Variants in NTNG1 observed in about 807,000 individuals in gnomAD.
NTNG1 encodes netrin-G1.
Under a neutral mutation model 54.0 loss-of-function variants are expected in NTNG1, and 16 were observed. The observed-to-expected ratio is 0.30, with a 90% CI of 0.20 to 0.45. The LOEUF is 0.45. NTNG1 is among the 20% of genes least tolerant of loss of function. The pLI is 1.00. For missense variants in NTNG1, 530 were observed against 678.7 expected (o/e 0.78, Z 2.43); for synonymous variants, 255 against 263.1 (o/e 0.97, Z 0.30).
intron 7 of NTNG1, among the ~76,000 whole-genome samples, chr1:107,475,634 C>G (rs1195584349): frequency 6.6e-6 from 1 of 152,202 alleles, no homozygotes; most frequent in Non-Finnish European, 1.5e-5. Context: ...TCTTCCTGAT[C>G]TAGAAATGAC....
At chr1:107,367,102 A>C (rs1670640571) in intron 3 of NTNG1, among the ~76,000 whole-genome samples, 1 of 148,764 alleles carries the variant, frequency 6.7e-6, no homozygotes, top group Admixed American at 6.8e-5. Flanking sequence ...GTGTTTCTCT[A>C]GCACACTATG....
intron 3 of NTNG1, among the ~76,000 whole-genome samples, chr1:107,385,195 T>C (rs995338037): frequency 6.6e-6 from 1 of 152,200 alleles, no homozygotes; most frequent in African/African-American, 2.4e-5. Context: ...ACGTTAACAG[T>C]GCCCTAGGAC....
At chr1:107,273,759 A>G (rs1259381682) in intron 2 of NTNG1, among the ~76,000 whole-genome samples, 1 of 152,184 alleles carries the variant, frequency 6.6e-6, no homozygotes, top group East Asian at 1.9e-4. Context: ...CTTGTCGAGT[A>G]CATATCAGTC....
chr1:107,210,970 C>T (rs1052253683), intron 2 of NTNG1, among the ~76,000 whole-genome samples: 5 of 152,156 alleles, frequency 3.3e-5, no homozygotes, highest in African/African-American at 7.2e-5. Context: ...TATTGAGATG[C>T]CTTCCTTCTC....
intron 2 of NTNG1, among the ~76,000 whole-genome samples, chr1:107,176,389 G>A (rs1656651784): frequency 6.6e-6 from 1 of 152,162 alleles, no homozygotes. Flanking sequence ...CTGAACACAA[G>A]ATGCTTTGGA....
intron 3 of NTNG1, among the ~76,000 whole-genome samples, chr1:107,380,179 C>G (rs1671556781): frequency 1.3e-5 from 2 of 152,070 alleles, no homozygotes; most frequent in South Asian, 4.1e-4. Flanking sequence ...GCACAAAACC[C>G]TAATTAATCT....
At chr1:107,471,289 G>A (rs779151384) in intron 7 of NTNG1, among the ~76,000 whole-genome samples, 2 of 152,134 alleles carry the variant, frequency 1.3e-5, no homozygotes, top group African/African-American at 4.8e-5. Flanking sequence ...CAAGTAGGTC[G>A]GATGCTGTCA....
chr1:107,246,632 T>C (rs1403375697), intron 2 of NTNG1, among the ~76,000 whole-genome samples: 1 of 152,086 alleles, frequency 6.6e-6, no homozygotes, highest in African/African-American at 2.4e-5. Flanking sequence ...TTTAAAAATG[T>C]GTTTTACCTA....
rs1256583768 is a variant in NTNG1 at position 107,350,595 on chromosome 1, G to C, written c.887+25673G>C. 3.3e-5 allele frequency among the ~76,000 whole-genome samples: 5 copies of C among 152,206 alleles called. No individual in the cohort carries two copies. In the East Asian group the frequency reaches 9.6e-4, roughly 29 times the overall value. On this transcript the variant is annotated intron_variant, in intron 3 of 7. Transcript: ENST00000370068. ...GCAAAGATGTGGAATCACCCTAAAT[G>C]TTCATTGACAGATGAATGGATAAGG...
At chr1:107,350,861 C>G (rs1377127637) in intron 3 of NTNG1, among the ~76,000 whole-genome samples, 1 of 152,100 alleles carries the variant, frequency 6.6e-6, no homozygotes, top group Non-Finnish European at 1.5e-5. Flanking sequence ...TGGGAAAATT[C>G]TTGTCAAAAA....
intron 5 of NTNG1, among the ~76,000 whole-genome samples, chr1:107,410,956 G>A (rs370265569): frequency 6.6e-6 from 1 of 152,054 alleles, no homozygotes; most frequent in East Asian, 1.9e-4. Flanking sequence ...ATGAGTCAGA[G>A]GTTAAAGTTA....
At chr1:107,170,957 C>T (rs1326794687) in intron 2 of NTNG1, among the ~76,000 whole-genome samples, 1 of 151,928 alleles carries the variant, frequency 6.6e-6, no homozygotes, top group East Asian at 1.9e-4. Context: ...CTTATAGCAT[C>T]GTACAAATAT....
At chr1:107,427,374 G>T (rs964942687) in intron 5 of NTNG1, among the ~76,000 whole-genome samples, 11 of 152,092 alleles carry the variant, frequency 7.2e-5, no homozygotes, top group African/African-American at 2.7e-4. Context: ...GTGATTTGAA[G>T]AATCAAATAA....
chr1:107,403,708 A>C (rs1427851060), intron 4 of NTNG1: 1 of 154,220 alleles, frequency 6.5e-6, no homozygotes, highest in Non-Finnish European at 1.5e-5. Context: ...CTGTCAAAAA[A>C]AAAAAAAAAA....
chr1:107,324,741 C>T lies in NTNG1; in HGVS notation c.706C>T (p.Arg236Cys), dbSNP rs1667848638. Residue 236 changes from arginine (R) to cysteine (C), a missense_variant, in exon 3 of 8, where the codon CGC becomes TGC. Physicochemically the swap from Arg to Cys is radical, Grantham distance 180. Transcript: ENST00000370068. ...CAGGTTCGCGTTTTTTGCTGGACCT[C>T]GCCTACGCAATATGGCTTCCCTCTA... ...KDRFAFFAGP[R>C]LRNMASLYGQ... is the part of the protein sequence containing the mutation. 2 of 1,613,570 alleles carry T rather than the reference C, an allele frequency of 1.2e-6. No homozygotes were observed. Among genetic ancestry groups the T allele is most frequent in the Non-Finnish European group, 1.7e-6 (2 of 1,179,774 alleles).
At chr1:107,475,178 T>C (rs1373914156) in intron 7 of NTNG1, among the ~76,000 whole-genome samples, 1 of 152,196 alleles carries the variant, frequency 6.6e-6, no homozygotes, top group Non-Finnish European at 1.5e-5. Context: ...TGACTATCTA[T>C]AGAAGAGTTC....
chr1:107,386,338 T>C lies in NTNG1; in HGVS notation c.888-8816T>C, dbSNP rs1457018530. ...GCGCCCGCCACCAGGCCCAGCTAACTTTTTTTTGTATTTTTAGTAGAGATG... is the reference window on the plus strand; with the variant it reads ...GCGCCCGCCACCAGGCCCAGCTAACCTTTTTTTGTATTTTTAGTAGAGATG... On this transcript the variant is annotated intron_variant, in intron 3 of 7. Coordinates refer to ENST00000370068, the MANE Select transcript of NTNG1 (RefSeq NM_001113226.3). Among the ~76,000 whole-genome samples, 5 of 151,260 alleles carry C rather than the reference T, an allele frequency of 3.3e-5. No individual in the cohort carries two copies. The East Asian group carries it at 7.8e-4, about 24-fold the overall frequency.
chr1:107,312,504 A>C (rs1266004341), intron 2 of NTNG1, among the ~76,000 whole-genome samples: 1 of 152,162 alleles, frequency 6.6e-6, no homozygotes, highest in Non-Finnish European at 1.5e-5. Flanking sequence ...AAGGTTGTCA[A>C]AAATTACACT....
chr1:107,309,064 G>GCTCTTC (rs1194104488), intron 2 of NTNG1, among the ~76,000 whole-genome samples: 3 of 151,942 alleles, frequency 2.0e-5, no homozygotes, highest in Non-Finnish European at 2.9e-5. Context: ...CCATCATCTT[G>GCTCTTC]CTCTTCATCA....
Sources: allele counts gnomAD v4.1 joint callset (sites outside exome capture counted in the v4.1 genomes callset), GRCh38; gene constraint gnomAD v4.1.1; transcripts MANE v1.5; gene names NCBI Gene and HGNC (gene_info 2026-07-23, HGNC 2026-07-21).